The following LBR variants were observed in gnomAD, a reference collection of about 807,000 sequenced individuals.
The protein encoded by LBR is delta(14)-sterol reductase LBR.
In LBR, 28 loss-of-function variants were observed where a neutral mutation model predicts 74.3. The observed-to-expected ratio is 0.38, with a 90% CI of 0.28 to 0.52. The LOEUF (loss-of-function observed/expected upper bound fraction) is 0.52. Among genes scored for constraint, LBR ranks in the 20% least tolerant of loss-of-function variants. The pLI, the probability that LBR is intolerant of heterozygous loss-of-function variation, is 0.89. For missense variants in LBR, 717 were observed against 760.3 expected, an observed-to-expected ratio of 0.94 and a Z score of 0.67; for synonymous variants, 228 against 269.3, an observed-to-expected ratio of 0.85 and a Z score of 1.50.
chr1:225,427,029 G>A (rs548317265), intron 1 of LBR, among the ~76,000 whole-genome samples: 27 of 152,334 alleles, frequency 1.8e-4, no homozygotes, highest in African/African-American at 6.3e-4. Flanking sequence ...ACGTGTTTAC[G>A]TGCAAGGTCC....
At chr1:225,406,074 C>G (rs1158932019) in intron 11 of LBR, among the ~76,000 whole-genome samples, 1 of 152,206 alleles carries the variant, frequency 6.6e-6, no homozygotes, top group Non-Finnish European at 1.5e-5. Flanking sequence ...TCATCTCACA[C>G]TTCCCCACCA....
rs145798081 is a variant in LBR at position 225,420,173 on chromosome 1, G to A, written c.367-375C>T. Among the ~76,000 whole-genome samples, 427 of 152,110 alleles carry A rather than the reference G, an allele frequency of 2.8e-3. 1 individual carries two copies. Among genetic ancestry groups the A allele is most frequent in the African/African-American group, 9.9e-3 (411 of 41,502 alleles). Reference sequence around the variant, plus strand: ...AAATACAAAAAAATTAGCCACGCACGGTAGCGGGCACCTGTAATTCCAGCT... The same window carrying A: ...AAATACAAAAAAATTAGCCACGCACAGTAGCGGGCACCTGTAATTCCAGCT... On this transcript the variant is annotated intron_variant, in intron 3 of 13. Coordinates refer to ENST00000272163, the MANE Select transcript of LBR (RefSeq NM_002296.4).
In LBR at chr1:225,417,974, A is replaced by T. The variant is rs1160716496; in HGVS notation, c.837+10T>A. 6.2e-7 allele frequency: 1 copy of T among 1,613,178 alleles called. No homozygotes were observed. The highest frequency in any genetic ancestry group is 2.2e-5 in the East Asian group (1 of 44,882). On this transcript the variant is annotated intron_variant, in intron 6 of 13. Transcript: ENST00000272163. ...CTTATTAAAACAAAACAGAATTACC[A>T]TAAACGTACCTTTCCAATTGGCAGT...
At chr1:225,426,253 G>T (rs1317960394) in intron 1 of LBR, among the ~76,000 whole-genome samples, 1 of 152,188 alleles carries the variant, frequency 6.6e-6, no homozygotes, top group Non-Finnish European at 1.5e-5. Flanking sequence ...TGAGGATACA[G>T]TGCAATCACA....
At chr1:225,414,259 G>A in intron 7 of LBR, 1 of 408,740 alleles carries the variant, frequency 2.4e-6, no homozygotes, top group Non-Finnish European at 5.0e-6. Context: ...AACTATCTTT[G>A]GCTTCCCCTT....
rs1179013007 is a variant in LBR at position 225,403,427 on chromosome 1, T to C, written c.1724A>G (p.Tyr575Cys). 32 of 1,611,226 alleles carry C rather than the reference T, an allele frequency of 2.0e-5. No individual in the cohort carries two copies. The highest frequency in any genetic ancestry group is 2.7e-5 in the Non-Finnish European group (32 of 1,178,474). The change falls in exon 14 of 14, where the codon TAT becomes TGT. Residue 575 changes from tyrosine to cysteine, a missense_variant. Coordinates refer to ENST00000272163, the MANE Select transcript of LBR (RefSeq NM_002296.4). ...NHILPYFYII[Y>C]FTMLLVHREA... ...TCGGTGGACAAGCAACATGGTGAAA[T>C]AAATTATGTAGAAATAAGGCAGAAT...
chr1:225,418,610 G>A (rs2096121897), intron 5 of LBR, among the ~76,000 whole-genome samples: 1 of 152,216 alleles, frequency 6.6e-6, no homozygotes, highest in African/African-American at 2.4e-5. Context: ...TTCATGTAAT[G>A]TGTGCAGATT....
At chr1:225,417,408 A>G (rs1325924847) in intron 6 of LBR, 1 of 152,374 alleles carries the variant, frequency 6.6e-6, no homozygotes, top group Non-Finnish European at 1.5e-5. Flanking sequence ...TACACTTAGC[A>G]ATGGAGAGAC....
intron 2 of LBR, among the ~76,000 whole-genome samples, chr1:225,422,723 A>T (rs1411839289): frequency 6.6e-6 from 1 of 152,096 alleles, no homozygotes; most frequent in Non-Finnish European, 1.5e-5. Flanking sequence ...ATGACTGGGA[A>T]CTGTTTCACT....
intron 2 of LBR, 39 bp from the exon 3 acceptor site, chr1:225,422,316 T>A: frequency 6.6e-7 from 1 of 1,519,996 alleles, no homozygotes; most frequent in Non-Finnish European, 9.1e-7. Context: ...TTACCACAAA[T>A]CATAACACAT....
At chr1:225,405,379 G>A (rs772751485) in intron 11 of LBR, among the ~76,000 whole-genome samples, 13 of 152,180 alleles carry the variant, frequency 8.5e-5, no homozygotes, top group African/African-American at 1.9e-4. Context: ...CAAAGTTCAC[G>A]TGTTGGAAAC....
In LBR at chr1:225,419,431, CT is replaced by C; in HGVS notation, c.471del (p.Glu158LysfsTer5). Reference sequence around the variant, plus strand: ...TACTGTGTTGCTATGTAACTGCTTTCTTGTGACAAACTGAATTTTTCCTAAA... The same window carrying C: ...TACTGTGTTGCTATGTAACTGCTTTCTGTGACAAACTGAATTTTTCCTAAA... The part of the protein sequence containing the change: ...KNTQEKFSLS[Q>X]ESSYIATQYS... On this transcript the variant is annotated frameshift_variant, in exon 5 of 14. Coordinates refer to ENST00000272163, the MANE Select transcript of LBR (RefSeq NM_002296.4). LOFTEE classifies it high-confidence loss of function. The C allele has an allele frequency of 6.2e-7, 1 of 1,612,562 alleles. No individual in the cohort carries two copies. The highest frequency in any genetic ancestry group is 8.5e-7 in the Non-Finnish European group (1 of 1,178,682).
chr1:225,412,362 A>C, intron 8 of LBR, 92 bp downstream of exon 8: 1 of 1,122,862 alleles, frequency 8.9e-7, no homozygotes, highest in South Asian at 1.3e-5. Flanking sequence ...CCAAAAATGA[A>C]GTTAGAAAAA....
upstream of LBR, chr1:225,428,725 T>C (rs1575235791): frequency 6.6e-6 from 1 of 152,094 alleles, no homozygotes; most frequent in South Asian, 2.1e-4. Flanking sequence ...AGGGGCTCGG[T>C]TGTTACCCGA....
rs1441283358 is a variant in LBR, at chr1:225,404,605, T to C, written c.1564+21A>G. 6 of 1,585,534 alleles carry C rather than the reference T, an allele frequency of 3.8e-6. 1 individual carries two copies. In the South Asian group the frequency reaches 6.7e-5, roughly 18 times the overall value. ...AAACCTTCATGTAATATATATAATA[T>C]AAACATAAATCAATACTTACGTGCA... On this transcript the variant is annotated intron_variant, in intron 12 of 13. Transcript: ENST00000272163.
intron 3 of LBR, among the ~76,000 whole-genome samples, chr1:225,420,167 A>C (rs1213485266): frequency 1.3e-5 from 2 of 152,010 alleles, no homozygotes; most frequent in Non-Finnish European, 2.9e-5. Context: ...AAAATTAGCC[A>C]CGCACGGTAG....
intron 10 of LBR, among the ~76,000 whole-genome samples, chr1:225,409,764 A>AC (rs1230694490): frequency 7.2e-5 from 11 of 152,380 alleles, no homozygotes; most frequent in African/African-American, 2.6e-4. Flanking sequence ...TAGAAAGACT[A>AC]ATCAATGTAT....
intron 5 of LBR, among the ~76,000 whole-genome samples, chr1:225,418,891 T>C (rs2150955449): frequency 6.6e-6 from 1 of 152,326 alleles, no homozygotes; most frequent in South Asian, 2.1e-4. Flanking sequence ...TGCTGGCCCC[T>C]GCCGCCTCAG....
intron 6 of LBR, among the ~76,000 whole-genome samples, chr1:225,415,640 AT>A (rs2096115710): frequency 6.6e-6 from 1 of 152,112 alleles, no homozygotes; most frequent in Non-Finnish European, 1.5e-5. Flanking sequence ...TCAAGACTAA[AT>A]GTGCTTAAAT....
Sources: allele counts gnomAD v4.1 joint callset (sites outside exome capture counted in the v4.1 genomes callset), GRCh38; gene constraint gnomAD v4.1.1; transcripts MANE v1.5; gene names NCBI Gene and HGNC (gene_info 2026-07-23, HGNC 2026-07-21).